APAF1: variants seen among roughly 807,000 people sequenced by gnomAD.
The protein encoded by APAF1 is apoptotic peptidase activating factor 1.
In APAF1, 91 loss-of-function variants were observed where a neutral mutation model predicts 152.4. The ratio of observed to expected loss-of-function variants is 0.60; its 90% CI spans 0.50 to 0.71. The LOEUF (loss-of-function observed/expected upper bound fraction) is 0.71. APAF1 is among the 30% of genes least tolerant of loss of function. APAF1 has a pLI of 0.00. For missense variants in APAF1, 1,283 were observed against 1,472.0 expected (o/e 0.87, Z 2.10); for synonymous variants, 484 against 494.1 (o/e 0.98, Z 0.27).
At chr12:98,715,695 C>G in intron 22 of APAF1, 143 bp downstream of exon 22, 1 of 913,562 alleles carries the variant, frequency 1.1e-6, no homozygotes, top group Non-Finnish European at 1.7e-6. Flanking sequence ...TAGATGAAAC[C>G]TATGGGTGTT....
At chr12:98,659,366 G>T in intron 5 of APAF1, 23 bp downstream of exon 5, 1 of 1,612,188 alleles carries the variant, frequency 6.2e-7, no homozygotes, top group South Asian at 1.1e-5. Flanking sequence ...AAATTTAGTT[G>T]GTGTGTCAGG....
Position 98,708,582 on chromosome 12 carries a change from C to A in APAF1, c.2722-3C>A, listed in dbSNP as rs762484061. The A allele has an allele frequency of 9.9e-6, 16 of 1,612,044 alleles. No individual in the cohort carries two copies. The East Asian group carries it at 2.0e-4, about 20-fold the overall frequency. On this transcript the variant is annotated splice_region_variant and splice_polypyrimidine_tract_variant and intron_variant, in intron 19 of 26. Coordinates refer to ENST00000551964, the MANE Select transcript of APAF1 (RefSeq NM_181861.2). Reference sequence around the variant, plus strand: ...AATGATAATTTCTTTATCTCTTAATCAGCTCTGGGAGACAAAGAAAGTATG... The same window carrying A: ...AATGATAATTTCTTTATCTCTTAATAAGCTCTGGGAGACAAAGAAAGTATG...
At chr12:98,663,894 G>A (rs1172714647) in intron 7 of APAF1, among the ~76,000 whole-genome samples, 1 of 152,064 alleles carries the variant, frequency 6.6e-6, no homozygotes, top group African/African-American at 2.4e-5. Flanking sequence ...CCTGACCTCA[G>A]GTGATTGCCC....
chr12:98,680,365 G>T lies in APAF1; in HGVS notation c.2009G>T (p.Arg670Ile). The T allele has an allele frequency of 6.2e-7, 1 of 1,613,800 alleles. No homozygotes were observed. The highest frequency in any genetic ancestry group is 1.1e-5 in the South Asian group (1 of 91,068). The change falls in exon 14 of 27, where the codon AGA becomes ATA. Residue 670 changes from arginine to isoleucine, a missense_variant. Arg to Ile is a moderately conservative substitution (Grantham distance 97). Coordinates refer to ENST00000551964, the MANE Select transcript of APAF1 (RefSeq NM_181861.2). ...VLCCAFSTDD[R>I]FIATCSVDKK... is the part of the protein sequence containing the mutation. The stretch of plus-strand genomic sequence containing the variant: ...TGTTGTGCATTCTCTACAGATGACA[G>T]ATTTATAGCAACCTGCTCAGTGGAT...
At chr12:98,675,096 A>G (rs984118828) in intron 12 of APAF1, among the ~76,000 whole-genome samples, 4 of 152,194 alleles carry the variant, frequency 2.6e-5, no homozygotes, top group Admixed American at 2.6e-4. Context: ...TTAGCTATTT[A>G]TAGCTTATTT....
chr12:98,702,671 A>G (rs1296224649), intron 17 of APAF1, among the ~76,000 whole-genome samples: 2 of 151,954 alleles, frequency 1.3e-5, no homozygotes, highest in Non-Finnish European at 2.9e-5. Context: ...CTAAAAATAA[A>G]AAAATTAGCT....
In APAF1 at chr12:98,725,718, G is replaced by T. The variant is rs149790641; in HGVS notation, c.3456+178G>T. Among the ~76,000 whole-genome samples the T allele has an allele frequency of 2.4e-3, 371 of 152,286 alleles. 2 individuals are homozygous for T. Among genetic ancestry groups the T allele is most frequent in the Non-Finnish European group, 4.1e-3 (276 of 68,024 alleles). On this transcript the variant is annotated intron_variant, in intron 25 of 26. Coordinates refer to ENST00000551964, the MANE Select transcript of APAF1 (RefSeq NM_181861.2). ...CACAGCTGCACTCCACTGCAGAAAC[G>T]GATTCATTTTAGAGTTAGAGTGAAG...
chr12:98,719,261 C>A (rs929553204), intron 22 of APAF1, among the ~76,000 whole-genome samples: 10 of 152,210 alleles, frequency 6.6e-5, no homozygotes, highest in African/African-American at 2.4e-4. Flanking sequence ...CTTAGCCCCA[C>A]CCTCATTTCC....
intron 13 of APAF1, among the ~76,000 whole-genome samples, chr12:98,679,214 C>G (rs922901986): frequency 3.3e-5 from 5 of 152,184 alleles, no homozygotes; most frequent in African/African-American, 1.2e-4. Context: ...ACTGGGACAA[C>G]CAGCTGCAGA....
intron 12 of APAF1, among the ~76,000 whole-genome samples, chr12:98,674,428 G>A (rs2097684285): frequency 6.6e-6 from 1 of 150,916 alleles, no homozygotes; most frequent in Non-Finnish European, 1.5e-5. Flanking sequence ...ATACTTTCTT[G>A]TGAAGTGGAG....
chr12:98,718,234 CTTTCTTTTT>C (rs1016056921), intron 22 of APAF1, among the ~76,000 whole-genome samples: 2 of 151,632 alleles, frequency 1.3e-5, no homozygotes, highest in African/African-American at 4.8e-5. Flanking sequence ...TTTTCTTTTT[CTTTCTTTTT>C]TTTCTTTTTG....
chr12:98,654,874 CAG>C (rs1297037932), intron 4 of APAF1, among the ~76,000 whole-genome samples: 1 of 103,906 alleles, frequency 9.6e-6, no homozygotes, highest in African/African-American at 3.8e-5. Flanking sequence ...GTGTTTCTCA[CAG>C]AGGGGGATTT....
chr12:98,664,165 C>T (rs915693742), intron 7 of APAF1, among the ~76,000 whole-genome samples: 21 of 151,892 alleles, frequency 1.4e-4, no homozygotes, highest in African/African-American at 3.9e-4. Context: ...ATTACAGGTG[C>T]GTGCTACCTC....
chr12:98,664,425 A>T (rs2097669605), intron 7 of APAF1, among the ~76,000 whole-genome samples: 1 of 152,248 alleles, frequency 6.6e-6, no homozygotes, highest in Admixed American at 6.5e-5. Context: ...ACTAAAAAAA[A>T]AATAGAAATT....
chr12:98,694,646 T>A (rs1188273549), intron 16 of APAF1, among the ~76,000 whole-genome samples: 1 of 152,184 alleles, frequency 6.6e-6, no homozygotes, highest in Non-Finnish European at 1.5e-5. Flanking sequence ...TTTATCTTTT[T>A]ATGGGCATTA....
At chr12:98,677,585 G>T in intron 13 of APAF1, 34 bp downstream of exon 13, 1 of 1,613,768 alleles carries the variant, frequency 6.2e-7, no homozygotes, top group Non-Finnish European at 8.5e-7. Flanking sequence ...ATGCAAAGAG[G>T]CATGTATCCA....
chr12:98,646,986 A>G (rs570155240), intron 1 of APAF1, among the ~76,000 whole-genome samples: 5 of 151,828 alleles, frequency 3.3e-5, no homozygotes, highest in East Asian at 1.9e-4. Context: ...ACAATGCTCT[A>G]TTCACTCTTA....
intron 25 of APAF1, among the ~76,000 whole-genome samples, chr12:98,726,172 AT>A (rs34108074): frequency 8.6e-4 from 131 of 152,058 alleles, no homozygotes; most frequent in African/African-American, 3.1e-3. Flanking sequence ...AAAACAATCT[AT>A]TTTTTTTAGA....
At chr12:98,730,134 T>C in intron 26 of APAF1, among the ~76,000 whole-genome samples, 1 of 152,250 alleles carries the variant, frequency 6.6e-6, no homozygotes, top group East Asian at 1.9e-4. Flanking sequence ...ATGTATGTTA[T>C]CCCTTTACAA....
Sources: gnomAD v4.1 joint callset for allele counts (sites outside exome capture counted in the v4.1 genomes callset) on GRCh38, gnomAD v4.1.1 for gene constraint, MANE v1.5 for transcripts, NCBI Gene and HGNC (gene_info 2026-07-23, HGNC 2026-07-21) for gene names.